Variants in RSRC1 observed in about 807,000 individuals in gnomAD.
RSRC1 encodes serine/Arginine-related protein 53.
RSRC1 carries 39 observed loss-of-function variants against 49.1 expected under a neutral mutation model. That is an observed-to-expected ratio of 0.79 (90% confidence interval 0.61 to 1.04). The LOEUF is 1.04. Ranked by LOEUF, RSRC1 falls within the 50% of genes least tolerant of loss-of-function variation. The pLI is 0.00. For missense variants in RSRC1, 388 were observed against 402.4 expected (o/e 0.96, Z 0.31); for synonymous variants, 143 against 130.8 (o/e 1.09, Z -0.63).
intron 5 of RSRC1, among the ~76,000 whole-genome samples, chr3:158,330,024 C>A (rs1196674545): frequency 6.6e-6 from 1 of 152,226 alleles, no homozygotes; most frequent in African/African-American, 2.4e-5. Context: ...GGCGTTGGAC[C>A]CTCCGAGCCA....
At chr3:158,306,464 T>A (rs970911171) in intron 5 of RSRC1, among the ~76,000 whole-genome samples, 1 of 151,892 alleles carries the variant, frequency 6.6e-6, no homozygotes, top group African/African-American at 2.4e-5. Flanking sequence ...TAGGGAAAAT[T>A]TGAGGAGCAC....
chr3:158,215,297 A>G (rs1721889802), intron 4 of RSRC1, among the ~76,000 whole-genome samples: 2 of 111,464 alleles, frequency 1.8e-5, no homozygotes, highest in Non-Finnish European at 3.6e-5. Context: ...GCATATAGAT[A>G]GTTTTTTTTT....
chr3:158,513,510 C>T (rs1291963521), intron 7 of RSRC1, among the ~76,000 whole-genome samples: 4 of 152,136 alleles, frequency 2.6e-5, no homozygotes, highest in Non-Finnish European at 5.9e-5. Flanking sequence ...CTGCTGGATT[C>T]AGTTTGCCAG....
intron 6 of RSRC1, among the ~76,000 whole-genome samples, chr3:158,361,328 C>G (rs1731458203): frequency 6.6e-6 from 1 of 152,140 alleles, no homozygotes. Context: ...GCTCCTGCAC[C>G]CTCCTTCCCT....
chr3:158,407,773 T>C (rs1242757341), intron 6 of RSRC1, among the ~76,000 whole-genome samples: 1 of 152,194 alleles, frequency 6.6e-6, no homozygotes, highest in African/African-American at 2.4e-5. Context: ...AAATCCTGAG[T>C]ACTTCTTTTA....
chr3:158,321,411 A>G (rs544906213), intron 5 of RSRC1, among the ~76,000 whole-genome samples: 11 of 152,118 alleles, frequency 7.2e-5, no homozygotes, highest in African/African-American at 2.2e-4. Context: ...TAAAACAGTT[A>G]TGGTATATTT....
intron 5 of RSRC1, among the ~76,000 whole-genome samples, chr3:158,300,783 G>A (rs1188691035): frequency 6.6e-6 from 1 of 152,118 alleles, no homozygotes; most frequent in East Asian, 1.9e-4. Flanking sequence ...TTATCATAGA[G>A]AGCATTGTTC....
At chr3:158,144,782 C>A (rs1461523480) in intron 3 of RSRC1, among the ~76,000 whole-genome samples, 8 of 152,202 alleles carry the variant, frequency 5.3e-5, no homozygotes, top group Non-Finnish European at 1.0e-4. Context: ...TTCTCCACAT[C>A]CTCTCCGGCA....
At chr3:158,188,364 C>T (rs1449479286) in intron 3 of RSRC1, among the ~76,000 whole-genome samples, 1 of 151,946 alleles carries the variant, frequency 6.6e-6, no homozygotes, top group Non-Finnish European at 1.5e-5. Context: ...TTCCTCTTTC[C>T]ATCCAACTTC....
At chr3:158,385,314 T>C (rs569881778) in intron 6 of RSRC1, among the ~76,000 whole-genome samples, 2 of 152,254 alleles carry the variant, frequency 1.3e-5, no homozygotes, top group Middle Eastern at 3.4e-3. Flanking sequence ...CAGTATAGCA[T>C]TGTACTATAA....
chr3:158,182,671 GC>G, intron 3 of RSRC1, among the ~76,000 whole-genome samples: 1 of 152,014 alleles, frequency 6.6e-6, no homozygotes, highest in South Asian at 2.1e-4. Flanking sequence ...AGCCTTTTTT[GC>G]CCAGACTGAG....
chr3:158,237,841 T>C (rs1285032022), intron 4 of RSRC1, among the ~76,000 whole-genome samples: 4 of 152,158 alleles, frequency 2.6e-5, no homozygotes, highest in South Asian at 2.1e-4. Flanking sequence ...TCCAACACTA[T>C]GTTGAATAGG....
intron 4 of RSRC1, among the ~76,000 whole-genome samples, chr3:158,240,547 T>G (rs750383103): frequency 1.7e-4 from 26 of 152,316 alleles, no homozygotes; most frequent in Non-Finnish European, 3.7e-4. Flanking sequence ...TTAATGATTT[T>G]TAACAATCTT....
chr3:158,131,330 G>A (rs1412698671), intron 3 of RSRC1, among the ~76,000 whole-genome samples: 1 of 151,912 alleles, frequency 6.6e-6, no homozygotes, highest in Non-Finnish European at 1.5e-5. Context: ...TATCTAGTGG[G>A]ATGATTATGG....
chr3:158,284,852 A>T, intron 4 of RSRC1, among the ~76,000 whole-genome samples: 1 of 149,198 alleles, frequency 6.7e-6, no homozygotes, highest in African/African-American at 2.5e-5. Flanking sequence ...TTGCCTCTTC[A>T]CTCTGATGGT....
chr3:158,184,119 G>A (rs1276385302), intron 3 of RSRC1, among the ~76,000 whole-genome samples: 1 of 151,920 alleles, frequency 6.6e-6, no homozygotes, highest in African/African-American at 2.4e-5. Flanking sequence ...AAAGATCCAT[G>A]GAGAAAACTA....
At chr3:158,161,261 G>A (rs1307637908) in intron 3 of RSRC1, among the ~76,000 whole-genome samples, 1 of 152,104 alleles carries the variant, frequency 6.6e-6, no homozygotes, top group East Asian at 1.9e-4. Context: ...TCCAAGTTGG[G>A]TGTTGAGATC....
intron 4 of RSRC1, among the ~76,000 whole-genome samples, chr3:158,248,231 T>C (rs1724009789): frequency 6.6e-6 from 1 of 152,166 alleles, no homozygotes; most frequent in African/African-American, 2.4e-5. Flanking sequence ...AACTGCAAAA[T>C]AGTTTTCTAA....
At chr3:158,139,667 T>C (rs1212556323) in intron 3 of RSRC1, among the ~76,000 whole-genome samples, 1 of 147,366 alleles carries the variant, frequency 6.8e-6, no homozygotes, top group Non-Finnish European at 1.5e-5. Context: ...GGAGCCTCGC[T>C]CTTTCGCCCA....
Sources: allele counts gnomAD v4.1 joint callset (sites outside exome capture counted in the v4.1 genomes callset), GRCh38; gene constraint gnomAD v4.1.1; transcripts MANE v1.5; gene names NCBI Gene and HGNC (gene_info 2026-07-23, HGNC 2026-07-21).